KIF26B: variants seen among roughly 807,000 people sequenced by gnomAD.
KIF26B encodes kinesin family member 26B.
KIF26B carries 63 observed loss-of-function variants against 151.2 expected under a neutral mutation model. That is an observed-to-expected ratio of 0.42 (90% CI 0.34 to 0.51). The LOEUF (loss-of-function observed/expected upper bound fraction) is 0.51, where lower values mean the gene tolerates loss of function less well. Among genes scored for constraint, KIF26B ranks in the 20% least tolerant of loss-of-function variants. KIF26B has a pLI of 0.07. For synonymous variants in KIF26B, 1,357 were observed against 1,262.1 expected, an observed-to-expected ratio of 1.08 and a Z score of -1.59; for missense variants, 2,813 against 2,913.6, an observed-to-expected ratio of 0.97 and a Z score of 0.79.
In KIF26B at chr1:245,393,854, C is replaced by A. The variant is rs1009715043; in HGVS notation, c.1000-25725C>A. Among the ~76,000 whole-genome samples, 19 of 152,080 alleles carry A rather than the reference C, an allele frequency of 1.2e-4. 1 individual carries two copies. Among genetic ancestry groups the A allele is most frequent in the Non-Finnish European group, 2.9e-5 (2 of 68,018 alleles). On this transcript the variant is annotated intron_variant, in intron 3 of 14. Transcript: ENST00000407071. ...ACCTAGTGTGTTCTAGCCTAGATGC[C>A]CTGGGTGTTATTCTCTCCAAGAACA...
At chr1:245,183,206 A>C (rs996225427) in intron 2 of KIF26B, among the ~76,000 whole-genome samples, 1 of 152,158 alleles carries the variant, frequency 6.6e-6, no homozygotes, top group Admixed American at 6.5e-5. Context: ...CTGGGGTATA[A>C]GTCTCTTATC....
chr1:245,206,106 C>T (rs1573707574), intron 2 of KIF26B, among the ~76,000 whole-genome samples: 1 of 152,144 alleles, frequency 6.6e-6, no homozygotes, highest in South Asian at 2.1e-4. Context: ...CCCAGGGTCC[C>T]TCTTTGTTGA....
intron 3 of KIF26B, among the ~76,000 whole-genome samples, chr1:245,390,971 C>T (rs1275924373): frequency 8.3e-6 from 1 of 119,964 alleles, no homozygotes; most frequent in Non-Finnish European, 1.7e-5. Flanking sequence ...AAATTTTGAG[C>T]TTTCAATTAA....
At position 245,352,587 on chromosome 1, in the gene KIF26B, C is replaced by T. The variant is rs79966036; in HGVS notation, c.466-14247C>T. ...CCCACCTACTTCCAGTTTAAAGTCACCTGGGAAATACTTGGAGTACAGTTT... is the reference window on the plus strand; with the variant it reads ...CCCACCTACTTCCAGTTTAAAGTCATCTGGGAAATACTTGGAGTACAGTTT... On this transcript the variant is annotated intron_variant, in intron 2 of 14. Coordinates refer to ENST00000407071, the MANE Select transcript of KIF26B (RefSeq NM_018012.4). This position sits in a 1 kb window ranked among gnomAD's most constrained non-coding sequence, Gnocchi z 5.0. 6.6e-6 allele frequency among the ~76,000 whole-genome samples: 1 copy of T among 152,136 alleles called. No homozygotes were observed. Among genetic ancestry groups the T allele is most frequent in the Non-Finnish European group, 1.5e-5 (1 of 68,034 alleles).
intron 4 of KIF26B, among the ~76,000 whole-genome samples, chr1:245,524,600 A>G (rs1419932916): frequency 2.6e-5 from 4 of 152,184 alleles, no homozygotes; most frequent in African/African-American, 7.2e-5. Context: ...AAGATGAAGG[A>G]TATCTTCTTT....
chr1:245,433,466 C>CAAA (rs111335967), intron 4 of KIF26B, among the ~76,000 whole-genome samples: 638 of 114,698 alleles, frequency 5.6e-3, no homozygotes, highest in South Asian at 0.011. Flanking sequence ...GACTCTGTCT[C>CAAA]AAAAAAAAAA....
At chr1:245,588,722 G>T (rs2043253987) in intron 5 of KIF26B, among the ~76,000 whole-genome samples, 1 of 152,202 alleles carries the variant, frequency 6.6e-6, no homozygotes, top group Non-Finnish European at 1.5e-5. Context: ...AACCCAACTG[G>T]TTCCCCATCC....
At chr1:245,196,466 C>A (rs1669198223) in intron 2 of KIF26B, among the ~76,000 whole-genome samples, 1 of 152,156 alleles carries the variant, frequency 6.6e-6, no homozygotes. Flanking sequence ...TGAATGGTGA[C>A]CTGGGTGTAA....
chr1:245,333,251 T>G (rs1286493274), intron 2 of KIF26B, among the ~76,000 whole-genome samples: 1 of 152,198 alleles, frequency 6.6e-6, no homozygotes, highest in East Asian at 1.9e-4. Context: ...AATAGAATGT[T>G]GTTTCAGCCG....
chr1:245,368,593 T>G (rs1458410753), intron 3 of KIF26B, among the ~76,000 whole-genome samples: 1 of 151,970 alleles, frequency 6.6e-6, no homozygotes, highest in African/African-American at 2.4e-5. Context: ...GACCTCAGGT[T>G]ATTTCTCACT....
intron 5 of KIF26B, among the ~76,000 whole-genome samples, chr1:245,586,548 C>A (rs1193873646): frequency 6.6e-6 from 1 of 152,176 alleles, no homozygotes; most frequent in Non-Finnish European, 1.5e-5. Context: ...CTCTATTCTT[C>A]CAGCCAAATT....
chr1:245,629,538 C>T lies in KIF26B; in HGVS notation c.2099-16583C>T, dbSNP rs148063551. ...ATAAATGGTACTGGGAAAAGCTAGC[C>T]GTATGCAGAAAACTAAAACTGGACC... On this transcript the variant is annotated intron_variant, in intron 9 of 14. Coordinates refer to ENST00000407071, the MANE Select transcript of KIF26B (RefSeq NM_018012.4). 2.3e-4 allele frequency among the ~76,000 whole-genome samples: 35 copies of T among 152,068 alleles called. No homozygotes were observed. The South Asian group carries it at 4.4e-3, about 19-fold the overall frequency.
chr1:245,264,575 C>T (rs1009656364), intron 2 of KIF26B, among the ~76,000 whole-genome samples: 1 of 149,972 alleles, frequency 6.7e-6, no homozygotes, highest in African/African-American at 2.5e-5. Flanking sequence ...GATTATTGTT[C>T]TTAAAAAAAA....
Position 245,705,876 on chromosome 1 carries a change from G to A in KIF26B, c.*3270G>A, listed in dbSNP as rs541574622. ...GTCCTTGAATTCCCCTCTACATCAC[G>A]AGGAAGCTGTCTCTTTCATCTCTTC... is the stretch of plus-strand genomic sequence containing the variant. On this transcript the variant is annotated 3_prime_UTR_variant, in exon 15 of 15. Transcript: ENST00000407071. 3.9e-4 allele frequency: 60 copies of A among 152,290 alleles called. No homozygotes were observed. The highest frequency in any genetic ancestry group is 1.4e-3 in the African/African-American group (57 of 41,556). 9.4% of individuals were successfully genotyped at this position (152,290 alleles called of 1,614,324 possible). A position where few individuals can be genotyped will look rare whatever the true frequency, so the allele number is the denominator to read the frequency against.
intron 2 of KIF26B, among the ~76,000 whole-genome samples, chr1:245,233,038 C>G (rs1670030324): frequency 6.6e-6 from 1 of 152,220 alleles, no homozygotes; most frequent in Non-Finnish European, 1.5e-5. Context: ...ATTGTAGGGT[C>G]TGTAGCCTGA....
Position 245,676,668 on chromosome 1 carries a change from C to T in KIF26B, c.2259-7565C>T, listed in dbSNP as rs150450914. Among the ~76,000 whole-genome samples the T allele has an allele frequency of 3.9e-3, 598 of 152,306 alleles. 4 individuals are homozygous for T. Among genetic ancestry groups the T allele is most frequent in the African/African-American group, 0.013 (558 of 41,542 alleles). ...GGCCCAAATTTCATCCAGACTTCAT[C>T]CTCCTCTGTGTACAGTGGCAACTAT... is the stretch of plus-strand genomic sequence containing the variant. On this transcript the variant is annotated intron_variant, in intron 10 of 14. Transcript: ENST00000407071.
chr1:245,245,083 A>G (rs1487955046), intron 2 of KIF26B, among the ~76,000 whole-genome samples: 1 of 152,082 alleles, frequency 6.6e-6, no homozygotes, highest in African/African-American at 2.4e-5. Context: ...CGGTGGGCTG[A>G]TGAAACACTC....
chr1:245,210,128 A>G (rs1669487357), intron 2 of KIF26B, among the ~76,000 whole-genome samples: 1 of 152,174 alleles, frequency 6.6e-6, no homozygotes, highest in South Asian at 2.1e-4. Context: ...CTCTGGGACC[A>G]TCAGCTCCCA....
At chr1:245,487,438 T>G (rs1209456983) in intron 4 of KIF26B, among the ~76,000 whole-genome samples, 1 of 152,168 alleles carries the variant, frequency 6.6e-6, no homozygotes, top group African/African-American at 2.4e-5. Flanking sequence ...TACTCTAGCC[T>G]GGAAAAGTGC....
Sources: gnomAD v4.1 joint callset for allele counts (sites outside exome capture counted in the v4.1 genomes callset) on GRCh38, gnomAD v4.1.1 for gene constraint, Gnocchi (gnomAD v3.1) non-coding constraint, MANE v1.5 for transcripts, NCBI Gene and HGNC (gene_info 2026-07-23, HGNC 2026-07-21) for gene names.